The following SCMH1 variants were observed in gnomAD, a reference collection of about 807,000 sequenced individuals.
SCMH1 encodes the protein Scm polycomb group protein homolog 1.
In SCMH1, 37 loss-of-function variants were observed where a neutral mutation model predicts 70.8. The observed-to-expected ratio is 0.52, with a 90% confidence interval of 0.40 to 0.69. The LOEUF (loss-of-function observed/expected upper bound fraction) is 0.69. SCMH1 is among the 30% of genes least tolerant of loss of function. The pLI is 0.00. For synonymous variants in SCMH1, 292 were observed against 307.4 expected, an observed-to-expected ratio of 0.95 and a Z score of 0.52; for missense variants, 607 against 827.3, an observed-to-expected ratio of 0.73 and a Z score of 3.27.
intron 1 of SCMH1, among the ~76,000 whole-genome samples, chr1:41,210,838 C>G (rs1656844931): frequency 6.7e-6 from 1 of 150,064 alleles, no homozygotes; most frequent in South Asian, 2.1e-4. Context: ...AAGATGGAGT[C>G]TTGCTCTGTC....
At chr1:41,108,805 T>A (rs952914098) in intron 8 of SCMH1, among the ~76,000 whole-genome samples, 16 of 152,080 alleles carry the variant, frequency 1.1e-4, no homozygotes. Context: ...ATTCCCAAGA[T>A]CATTAAACTA....
intron 1 of SCMH1, among the ~76,000 whole-genome samples, chr1:41,213,364 C>T (rs1657443292): frequency 6.6e-6 from 1 of 152,078 alleles, no homozygotes; most frequent in South Asian, 2.1e-4. Context: ...TTGTGATGGG[C>T]TTCAGGACAT....
intron 10 of SCMH1, among the ~76,000 whole-genome samples, chr1:41,061,577 A>C (rs568089653): frequency 6.6e-6 from 1 of 152,310 alleles, no homozygotes; most frequent in East Asian, 1.9e-4. Context: ...CAGATATATG[A>C]GGCAAAAACA....
chr1:41,117,763 CCT>C (rs746941862), intron 6 of SCMH1, among the ~76,000 whole-genome samples: 22 of 150,406 alleles, frequency 1.5e-4, no homozygotes, highest in Non-Finnish European at 1.5e-4. Flanking sequence ...CTCTCTCTCT[CCT>C]CTCTCTCTCT....
At chr1:41,087,573 C>T (rs1005889443) in intron 8 of SCMH1, among the ~76,000 whole-genome samples, 12 of 151,488 alleles carry the variant, frequency 7.9e-5, no homozygotes, top group African/African-American at 2.9e-4. Flanking sequence ...TTAAACTTCA[C>T]TCATAAAAAG....
At chr1:41,028,549 A>G (rs773637274) in intron 14 of SCMH1, 35 bp downstream of exon 15, 46 of 1,612,992 alleles carry the variant, frequency 2.9e-5, no homozygotes, top group Middle Eastern at 1.6e-4. Context: ...CTCTCCACAC[A>G]GGTTCCTACT....
intron 1 of SCMH1, among the ~76,000 whole-genome samples, chr1:41,196,369 A>C (rs1653019286): frequency 6.6e-6 from 1 of 152,190 alleles, no homozygotes; most frequent in African/African-American, 2.4e-5. Context: ...AGGATAGATA[A>C]GCAGACCAAT....
intron 2 of SCMH1, among the ~76,000 whole-genome samples, chr1:41,173,096 G>A (rs754742859): frequency 7.0e-4 from 106 of 151,974 alleles, no homozygotes; most frequent in Non-Finnish European, 3.8e-4. Flanking sequence ...TAGACATCAC[G>A]AGATTATATC....
chr1:41,112,838 T>C (rs1347424918), intron 8 of SCMH1, among the ~76,000 whole-genome samples: 1 of 152,210 alleles, frequency 6.6e-6, no homozygotes, highest in African/African-American at 2.4e-5. Flanking sequence ...CCCATGTCTA[T>C]CTTACTTCAA....
intron 2 of SCMH1, among the ~76,000 whole-genome samples, chr1:41,179,710 A>C (rs1648134351): frequency 6.6e-6 from 1 of 152,228 alleles, no homozygotes; most frequent in Non-Finnish European, 1.5e-5. Flanking sequence ...TCTGAAATTG[A>C]GGCGATAATT....
At chr1:41,239,434 T>C (rs955401315) in intron 1 of SCMH1, among the ~76,000 whole-genome samples, 4 of 152,222 alleles carry the variant, frequency 2.6e-5, no homozygotes, top group African/African-American at 4.8e-5. Context: ...CTAAGTGCCC[T>C]CACCTTTGGG....
chr1:41,151,492 G>C (rs1408499353), intron 5 of SCMH1, 122 bp downstream of exon 5: 1 of 626,680 alleles, frequency 1.6e-6, no homozygotes, highest in Non-Finnish European at 2.7e-6. Flanking sequence ...TCTTCCCATA[G>C]AAGTTTATTC....
chr1:41,206,535 A>G (rs1228098766), intron 1 of SCMH1, among the ~76,000 whole-genome samples: 1 of 152,202 alleles, frequency 6.6e-6, no homozygotes, highest in African/African-American at 2.4e-5. Context: ...TCCAATAAAT[A>G]TGGGACTATG....
chr1:41,194,560 T>C (rs967359671), intron 1 of SCMH1, among the ~76,000 whole-genome samples: 1 of 152,240 alleles, frequency 6.6e-6, no homozygotes, highest in Non-Finnish European at 1.5e-5. Flanking sequence ...TCCAGGATAC[T>C]TTCCTCAGCT....
intron 8 of SCMH1, among the ~76,000 whole-genome samples, chr1:41,097,913 C>G (rs555437389): frequency 6.6e-6 from 1 of 152,180 alleles, no homozygotes; most frequent in South Asian, 2.1e-4. Context: ...TTCACCTTGT[C>G]TGATTTCAGT....
intron 8 of SCMH1, among the ~76,000 whole-genome samples, chr1:41,103,909 C>T (rs1667227837): frequency 6.6e-6 from 1 of 152,100 alleles, no homozygotes; most frequent in Admixed American, 6.6e-5. Flanking sequence ...TCTACTCCAC[C>T]CATCTCACTT....
At position 41,050,283 on chromosome 1, in the gene SCMH1, G is replaced by A. The variant is rs139073419; in HGVS notation, c.1106-1393C>T. On this transcript the variant is annotated intron_variant, in intron 10 of 14. Coordinates refer to ENST00000337495, the Ensembl canonical transcript of SCMH1. ...CTTTCCAGCTTCCCATTTGAGTAGC[G>A]GGTACTATTCTTTCTTGTGTGGTTG... Among the ~76,000 whole-genome samples, 374 of 152,294 alleles carry A rather than the reference G, an allele frequency of 2.5e-3. 2 individuals carry two copies. Among genetic ancestry groups the A allele is most frequent in the Admixed American group, 4.9e-3 (75 of 15,302 alleles).
intron 4 of SCMH1, among the ~76,000 whole-genome samples, chr1:41,158,979 T>C (rs1034927032): frequency 1.3e-5 from 2 of 152,172 alleles, no homozygotes; most frequent in Non-Finnish European, 2.9e-5. Flanking sequence ...TGTCTAAATA[T>C]GAAATGAATT....
chr1:41,068,152 A>G (rs1655295603), intron 10 of SCMH1, among the ~76,000 whole-genome samples: 1 of 152,238 alleles, frequency 6.6e-6, no homozygotes, highest in Admixed American at 6.5e-5. Flanking sequence ...TCTACCAAAC[A>G]GACTTTGGAA....
Sources: allele counts gnomAD v4.1 joint callset (sites outside exome capture counted in the v4.1 genomes callset), GRCh38; gene constraint gnomAD v4.1.1; transcripts MANE v1.5; gene names NCBI Gene and HGNC (gene_info 2026-07-23, HGNC 2026-07-21).